The following ABLIM2 variants were observed in gnomAD, a reference collection of about 807,000 sequenced individuals.
ABLIM2 encodes the protein actin binding LIM protein family member 2, also known as actin-binding LIM protein 2.
A neutral mutation model predicts 97.7 loss-of-function variants in ABLIM2; 53 were observed. The observed-to-expected ratio is 0.54, with a 90% CI of 0.44 to 0.68. The LOEUF (loss-of-function observed/expected upper bound fraction) is 0.68. ABLIM2 is among the 30% of genes least tolerant of loss of function. ABLIM2 has a pLI of 0.00. For missense variants in ABLIM2, 835 were observed against 867.2 expected (o/e 0.96, Z 0.47); for synonymous variants, 361 against 345.8 (o/e 1.04, Z -0.49).
rs538081928 is a variant in ABLIM2 at position 8,110,835 on chromosome 4, C to A, written c.11-4198G>T. Among the ~76,000 whole-genome samples the A allele has an allele frequency of 2.4e-4, 36 of 152,362 alleles. 1 individual carries two copies. In the Middle Eastern group the frequency reaches 0.01, roughly 43 times the overall value. ...CATTGCGCCGTGGGGACGCCGCTGC[C>A]TCCATGCAGGTGCCGCTCCTACAGG... is the stretch of plus-strand genomic sequence containing the variant. On this transcript the variant is annotated intron_variant, in intron 1 of 20. Coordinates refer to ENST00000447017, the MANE Select transcript of ABLIM2 (RefSeq NM_001130083.2).
At chr4:8,098,968 G>T (rs1478280856) in intron 2 of ABLIM2, among the ~76,000 whole-genome samples, 3 of 152,232 alleles carry the variant, frequency 2.0e-5, no homozygotes, top group African/African-American at 2.4e-5. Context: ...AGGGATGAGG[G>T]CATGGTATAA....
chr4:7,980,757 G>T (rs959538116), intron 20 of ABLIM2, among the ~76,000 whole-genome samples: 2 of 150,952 alleles, frequency 1.3e-5, no homozygotes, highest in African/African-American at 4.9e-5. Flanking sequence ...TCTCTTGTGG[G>T]GGAAATTTAC....
intron 19 of ABLIM2, 27 bp from the exon 20 acceptor site, chr4:7,983,371 AC>A (rs1740483614): frequency 6.2e-7 from 1 of 1,604,912 alleles, no homozygotes. Flanking sequence ...CCACAGGGTC[AC>A]CTCACGAAGC....
chr4:8,008,970 T>C, intron 15 of ABLIM2, 80 bp downstream of exon 15: 1 of 1,514,378 alleles, frequency 6.6e-7, no homozygotes, highest in South Asian at 1.1e-5. Flanking sequence ...AGATTCGAAG[T>C]CTCAATCGGA....
At chr4:8,007,908 C>T (rs1762458939) in intron 16 of ABLIM2, 151 bp downstream of exon 16, 5 of 1,460,334 alleles carry the variant, frequency 3.4e-6, no homozygotes, top group Non-Finnish European at 4.5e-6. Flanking sequence ...CCCATATTTC[C>T]TTCCGGTCGG....
chr4:8,059,551 C>T (rs1416966654), intron 7 of ABLIM2, among the ~76,000 whole-genome samples: 3 of 152,110 alleles, frequency 2.0e-5, no homozygotes, highest in African/African-American at 7.2e-5. Context: ...CTATGCCTCC[C>T]CACACCTTTC....
At chr4:8,077,589 T>C (rs769319954) in intron 6 of ABLIM2, 39 bp downstream of exon 6, 3 of 1,554,662 alleles carry the variant, frequency 1.9e-6, no homozygotes, top group African/African-American at 1.4e-5. Context: ...AGTTAGGCCC[T>C]AGCTCAGAGC....
In ABLIM2 at chr4:8,005,433, G is replaced by A. The variant is rs1200579489; in HGVS notation, c.1618+2626C>T. Reference sequence around the variant, plus strand: ...GCGCGCTACAGATGGACGTCCCGGGGTGCAGGTGGCGTGCCTTGCTGTGTG... The same window carrying A: ...GCGCGCTACAGATGGACGTCCCGGGATGCAGGTGGCGTGCCTTGCTGTGTG... On this transcript the variant is annotated intron_variant, in intron 16 of 20. Transcript: ENST00000447017. This position sits in a 1 kb window ranked among gnomAD's most constrained non-coding sequence, Gnocchi z 4.9. 1.3e-5 allele frequency: 7 copies of A among 533,080 alleles called. No individual in the cohort carries two copies. Among genetic ancestry groups the A allele is most frequent in the South Asian group, 8.4e-5 (6 of 71,538 alleles). 33.0% of individuals were successfully genotyped at this position (533,080 alleles called of 1,614,324 possible).
chr4:8,047,810 T>C (rs1251345233), intron 8 of ABLIM2, among the ~76,000 whole-genome samples: 1 of 152,224 alleles, frequency 6.6e-6, no homozygotes, highest in African/African-American at 2.4e-5. Flanking sequence ...GTGAGGTGCT[T>C]AGCACTGAAA....
rs1053416853 is a variant in ABLIM2, at chr4:8,122,786, C to T, written c.11-16149G>A. On this transcript the variant is annotated intron_variant, in intron 1 of 20. Coordinates refer to ENST00000447017, the MANE Select transcript of ABLIM2 (RefSeq NM_001130083.2). The surrounding 1 kb of genome is among the most constrained non-coding windows in gnomAD (Gnocchi z 4.1). ...GGACCTGTCCTCTCTTCACCATTTA[C>T]GGATGGGCAAACAGAGGTTCCAAGC... Among the ~76,000 whole-genome samples, 5 of 152,130 alleles carry T rather than the reference C, an allele frequency of 3.3e-5. No individual in the cohort carries two copies. The highest frequency in any genetic ancestry group is 5.9e-5 in the Non-Finnish European group (4 of 68,020).
intron 20 of ABLIM2, among the ~76,000 whole-genome samples, chr4:7,975,699 C>T (rs1001637376): frequency 9.9e-5 from 15 of 152,178 alleles, no homozygotes; most frequent in African/African-American, 9.7e-5. Context: ...CTAAAAGTCA[C>T]GTGGCCAAAC....
In ABLIM2 at chr4:8,019,791, C is replaced by T. The variant is rs1772212207; in HGVS notation, c.1370-120G>A. 4 of 985,470 alleles carry T rather than the reference C, an allele frequency of 4.1e-6. No individual in the cohort carries two copies. The highest frequency in any genetic ancestry group is 2.9e-5 in the South Asian group (2 of 69,834). The allele number at this position is 985,470 out of a possible 1,614,324, so 61.0% of individuals were successfully genotyped here. A position where few individuals can be genotyped will look rare whatever the true frequency, so the allele number is the denominator to read the frequency against. On this transcript the variant is annotated intron_variant, in intron 13 of 20. Coordinates refer to ENST00000447017, the MANE Select transcript of ABLIM2 (RefSeq NM_001130083.2). The surrounding 1 kb of genome is among the most constrained non-coding windows in gnomAD (Gnocchi z 4.3). ...CTCACCCAGATTTAGAATCATCAGG[C>T]AGGAACTGGCACCCAGCGAGCGACA...
intron 8 of ABLIM2, among the ~76,000 whole-genome samples, chr4:8,050,867 G>T (rs1795564193): frequency 6.6e-6 from 1 of 152,252 alleles, no homozygotes; most frequent in African/African-American, 2.4e-5. Context: ...CCCTGTGTTG[G>T]CCAGAGGCCA....
chr4:8,045,750 C>T (rs906302138), intron 8 of ABLIM2, among the ~76,000 whole-genome samples: 1 of 152,182 alleles, frequency 6.6e-6, no homozygotes, highest in African/African-American at 2.4e-5. Context: ...AAGCTAGCAT[C>T]AGGCAGACAT....
At chr4:8,007,917 G>C in intron 16 of ABLIM2, 142 bp downstream of exon 16, 1 of 1,468,014 alleles carries the variant, frequency 6.8e-7, no homozygotes, top group East Asian at 2.3e-5. Context: ...CCTTCCGGTC[G>C]GTCCTTAGAT....
At chr4:7,972,325 G>C (rs1320933542) in intron 20 of ABLIM2, among the ~76,000 whole-genome samples, 1 of 152,186 alleles carries the variant, frequency 6.6e-6, no homozygotes. Context: ...GCACCATGCA[G>C]TGCTCCCTCT....
At chr4:8,056,137 A>AAAAAAAAAAAAAAAAC (rs1798972452) in intron 7 of ABLIM2, among the ~76,000 whole-genome samples, 1 of 142,442 alleles carries the variant, frequency 7.0e-6, no homozygotes, top group Non-Finnish European at 1.5e-5. Context: ...AAAAAAAAAA[A>AAAAAAAAAAAAAAAAC]AAGTAACAGA....
Position 7,999,126 on chromosome 4 carries a change from C to T in ABLIM2, c.1619-6199G>A, listed in dbSNP as rs1402151629. 2.6e-5 allele frequency among the ~76,000 whole-genome samples: 4 copies of T among 152,094 alleles called. No homozygotes were observed. The highest frequency in any genetic ancestry group is 9.7e-5 in the African/African-American group (4 of 41,396). On this transcript the variant is annotated intron_variant, in intron 16 of 20. Coordinates refer to ENST00000447017, the MANE Select transcript of ABLIM2 (RefSeq NM_001130083.2). This position sits in a 1 kb window ranked among gnomAD's most constrained non-coding sequence, Gnocchi z 4.4. ...TGTTCCCCGGGCTGGAGTACAATGG[C>T]GTGATCTTGGCTCACTGCAACCTCC...
At chr4:8,106,344 G>T in intron 2 of ABLIM2, 150 bp downstream of exon 2, 1 of 1,142,890 alleles carries the variant, frequency 8.7e-7, no homozygotes, top group South Asian at 1.6e-5. Flanking sequence ...ATGTTGAAAA[G>T]ATCCCACTCT....
Sources: allele counts gnomAD v4.1 joint callset (sites outside exome capture counted in the v4.1 genomes callset), GRCh38; gene constraint gnomAD v4.1.1; non-coding constraint Gnocchi (gnomAD v3.1); transcripts MANE v1.5; gene names NCBI Gene and HGNC (gene_info 2026-07-23, HGNC 2026-07-21).